ZNF469: variants seen among roughly 807,000 people sequenced by gnomAD.
ZNF469 encodes zinc finger protein 469.
Under a neutral mutation model 1.0 loss-of-function variants are expected in ZNF469, and 1 was observed. That is an observed-to-expected ratio of 1.00 (90% CI 0.35 to 4.73). ZNF469 has a LOEUF of 4.73. Ranked by LOEUF, ZNF469 falls within the 30% of genes most tolerant of loss-of-function variation. The pLI is 0.16. For synonymous variants in ZNF469, 2,703 were observed against 2,363.4 expected (o/e 1.14, Z -4.17); for missense variants, 6,100 against 5,356.3 (o/e 1.14, Z -4.33).
the ZNF469 span, among the ~76,000 whole-genome samples, chr16:88,286,992 T>A: frequency 6.6e-6 from 1 of 152,228 alleles, no homozygotes; most frequent in Admixed American, 6.5e-5. Context: ...TAGGAATGCC[T>A]AAGTCCCGTT....
the ZNF469 span, chr16:88,194,724 C>T: frequency 1.3e-5 from 2 of 152,264 alleles, no homozygotes; most frequent in African/African-American, 2.4e-5. Context: ...ATTGACTTGC[C>T]TCCATCTGCT....
the ZNF469 span, among the ~76,000 whole-genome samples, chr16:88,368,578 G>A: frequency 6.6e-6 from 1 of 152,136 alleles, no homozygotes; most frequent in East Asian, 1.9e-4. Context: ...AGCCCTGGGA[G>A]AGTTTGTGGT....
At chr16:88,139,502 C>T in the ZNF469 span, among the ~76,000 whole-genome samples, 2 of 149,546 alleles carry the variant, frequency 1.3e-5, no homozygotes, top group Admixed American at 1.3e-4. Context: ...AAAAGTGGAT[C>T]TGAAACCTTT....
chr16:88,435,162 A>C lies in ZNF469; in HGVS notation c.7692A>C (p.Ala2564=). The change falls in exon 3 of 3, where the codon GCA becomes GCC. Residue 2564 remains alanine (A), a synonymous_variant. Transcript: ENST00000565624. ...AGGGCTCAAAGGAGGTTCTCAGAGC[A>C]CCGGGGTCCCCACACAGCCAGCAGC... is the stretch of plus-strand genomic sequence containing the variant. ...PAQGSKEVLR[A]PGSPHSQQLH... The C allele has an allele frequency of 6.5e-7, 1 of 1,550,348 alleles. No homozygotes were observed. The highest frequency in any genetic ancestry group is 8.7e-7 in the Non-Finnish European group (1 of 1,146,980).
chr16:88,300,597 T>C, the ZNF469 span, among the ~76,000 whole-genome samples: 1 of 151,794 alleles, frequency 6.6e-6, no homozygotes, highest in African/African-American at 2.4e-5. Flanking sequence ...GCCTCAGAGG[T>C]TGGCACACCA....
At chr16:88,230,836 C>A in the ZNF469 span, among the ~76,000 whole-genome samples, 2 of 152,190 alleles carry the variant, frequency 1.3e-5, no homozygotes, top group South Asian at 4.1e-4. Flanking sequence ...TCCCTGGCCC[C>A]GTGGCCTCTC....
chr16:88,202,701 T>TG, the ZNF469 span, among the ~76,000 whole-genome samples: 1 of 152,188 alleles, frequency 6.6e-6, no homozygotes, highest in East Asian at 1.9e-4. Flanking sequence ...CGGATGGTGG[T>TG]GGGGGCGCCT....
Position 88,436,207 on chromosome 16 carries a change from A to C in ZNF469, c.8737A>C (p.Ser2913Arg). The change falls in exon 3 of 3, where the codon AGC (serine) becomes CGC (arginine). Residue 2913 changes from serine (S) to arginine (R), a missense_variant. Coordinates refer to ENST00000565624, the MANE Select transcript of ZNF469 (RefSeq NM_001367624.2). ...LGPARLPTDLSDSSSLCLCHE... is the reference protein window; with the variant it reads ...LGPARLPTDLRDSSSLCLCHE... ...CCCAGCCCGCCTGCCCACGGACCTC[A>C]GCGACTCCAGCTCCCTCTGCCTCTG... 1 of 1,548,450 alleles carries C rather than the reference A, an allele frequency of 6.5e-7. No individual in the cohort carries two copies. The highest frequency in any genetic ancestry group is 8.7e-7 in the Non-Finnish European group (1 of 1,146,840).
At chr16:88,307,415 C>G in the ZNF469 span, among the ~76,000 whole-genome samples, 1 of 152,220 alleles carries the variant, frequency 6.6e-6, no homozygotes, top group African/African-American at 2.4e-5. Context: ...AGAGGACTGG[C>G]CAAACTGTTT....
the ZNF469 span, among the ~76,000 whole-genome samples, chr16:88,233,287 T>C: frequency 2.0e-5 from 3 of 152,200 alleles, no homozygotes; most frequent in Non-Finnish European, 4.4e-5. Flanking sequence ...CTGTTTTCAT[T>C]GTGGGGCTTG....
At chr16:88,227,514 A>ATCTCCCCATCTCCCCATCTCCCCG in the ZNF469 span, among the ~76,000 whole-genome samples, 1 of 78,678 alleles carries the variant, frequency 1.3e-5, no homozygotes, top group Non-Finnish European at 2.6e-5. Context: ...CCATCTCCCC[A>ATCTCCCCATCTCCCCATCTCCCCG]TCTCCCCATC....
At chr16:88,192,654 A>G in the ZNF469 span, among the ~76,000 whole-genome samples, 4 of 152,278 alleles carry the variant, frequency 2.6e-5, no homozygotes, top group South Asian at 2.1e-4. Context: ...TGATGATGGC[A>G]GTGATGGTGG....
chr16:88,247,861 A>T, the ZNF469 span, among the ~76,000 whole-genome samples: 1 of 152,374 alleles, frequency 6.6e-6, no homozygotes, highest in East Asian at 1.9e-4. Flanking sequence ...GCTTGGGTGA[A>T]CCCAGCTCCC....
chr16:88,433,432 C>A lies in ZNF469; in HGVS notation c.5962C>A (p.Gln1988Lys). The change falls in exon 3 of 3, where the codon CAA (glutamine) becomes AAA (lysine). Residue 1988 changes from glutamine to lysine, a missense_variant. Gln to Lys is a moderately conservative substitution (Grantham distance 53, BLOSUM62 1). Coordinates refer to ENST00000565624, the MANE Select transcript of ZNF469 (RefSeq NM_001367624.2). ...EADGHWGLLG[Q>K]AEKTQGQGTA... ...AGATGGACATTGGGGCTTGCTTGGC[C>A]AAGCCGAGAAAACCCAGGGCCAAGG... The A allele has an allele frequency of 6.5e-7, 1 of 1,550,342 alleles. No individual in the cohort carries two copies. The highest frequency in any genetic ancestry group is 2.4e-5 in the East Asian group (1 of 40,908).
At chr16:88,300,712 A>C in the ZNF469 span, among the ~76,000 whole-genome samples, 1 of 152,074 alleles carries the variant, frequency 6.6e-6, no homozygotes, top group African/African-American at 2.4e-5. Context: ...GGGGAGCTCC[A>C]TGATGACTCC....
intron 1 of ZNF469, among the ~76,000 whole-genome samples, chr16:88,409,417 C>G (rs1054082213): frequency 1.4e-4 from 21 of 152,080 alleles, no homozygotes; most frequent in Non-Finnish European, 2.1e-4. Context: ...GCTGGTCACT[C>G]GAGTCCTCAG....
the ZNF469 span, among the ~76,000 whole-genome samples, chr16:88,227,232 C>A: frequency 6.6e-6 from 1 of 152,210 alleles, no homozygotes; most frequent in Non-Finnish European, 1.5e-5. Flanking sequence ...TAAGGGCGGG[C>A]ACCTGACTAG....
chr16:88,275,703 C>G, the ZNF469 span, among the ~76,000 whole-genome samples: 1 of 152,220 alleles, frequency 6.6e-6, no homozygotes, highest in African/African-American at 2.4e-5. Context: ...CGGTGTTTGT[C>G]ACGAGCCTGA....
chr16:88,296,033 G>C, the ZNF469 span, among the ~76,000 whole-genome samples: 1 of 152,192 alleles, frequency 6.6e-6, no homozygotes, highest in South Asian at 2.1e-4. Context: ...TCGGGCTCTC[G>C]GCTCTGCAGA....
Sources: gnomAD v4.1 joint callset for allele counts (sites outside exome capture counted in the v4.1 genomes callset) on GRCh38, gnomAD v4.1.1 for gene constraint, MANE v1.5 for transcripts, NCBI Gene and HGNC (gene_info 2026-07-23, HGNC 2026-07-21) for gene names.